The following VARS1 variants were observed in gnomAD, a reference collection of about 807,000 sequenced individuals.
VARS1 encodes the protein valine--tRNA ligase.
Under a neutral mutation model 161.0 loss-of-function variants are expected in VARS1, and 92 were observed. The observed-to-expected ratio is 0.57, with a 90% CI of 0.48 to 0.68. VARS1 has a LOEUF of 0.68. Among genes scored for constraint, VARS1 ranks in the 30% least tolerant of loss-of-function variants. VARS1 has a pLI of 0.00. For missense variants in VARS1, 1,338 were observed against 1,695.9 expected (o/e 0.79, Z 3.71); for synonymous variants, 595 against 682.5 (o/e 0.87, Z 2.00).
In VARS1 at chr6:31,794,832, TG is replaced by T; in HGVS notation, c.385del (p.Gln129ArgfsTer11). 6.3e-7 allele frequency: 1 copy of T among 1,592,806 alleles called. No homozygotes were observed. The highest frequency in any genetic ancestry group is 8.6e-7 in the Non-Finnish European group (1 of 1,165,818). On this transcript the variant is annotated frameshift_variant and splice_region_variant, in exon 2 of 30. Coordinates refer to ENST00000375663, the MANE Select transcript of VARS1 (RefSeq NM_006295.3). LOFTEE classifies it high-confidence loss of function. ...CCCTCTTCTGTACAACCCCCTCACC[TG>T]GGGGTCCTGGGCCGAGCTTCGGAGT... ...LGLRSSAQDP[Q>X]AVLGALGRAL...
rs1256963357 is a variant in VARS1, at chr6:31,779,394, G to A, written c.3400+31C>T. On this transcript the variant is annotated intron_variant, in intron 28 of 29. Transcript: ENST00000375663. This position sits in a 1 kb window ranked among gnomAD's most constrained non-coding sequence, Gnocchi z 9.1. ...CCAGAGTAGGCTGAGGGGACAGTGG[G>A]ATGGGGCGGACATGGGGGCCTGAGG... is the stretch of plus-strand genomic sequence containing the variant. The A allele has an allele frequency of 1.2e-6, 2 of 1,607,966 alleles. No homozygotes were observed. The highest frequency in any genetic ancestry group is 1.7e-6 in the Non-Finnish European group (2 of 1,179,522).
Position 31,778,032 on chromosome 6 carries a change from T to A in VARS1, c.3727-370A>T. ...TCCCAGGGCTCTTGGGAGAACCAAG[T>A]GAGATTAACCACGTCCACTCAAGGC... On this transcript the variant is annotated intron_variant, in intron 29 of 29. Coordinates refer to ENST00000375663, the MANE Select transcript of VARS1 (RefSeq NM_006295.3). The surrounding 1 kb of genome is among the most constrained non-coding windows in gnomAD (Gnocchi z 5.1). 3 of 324,416 alleles carry A rather than the reference T, an allele frequency of 9.2e-6. 1 individual carries two copies. In the South Asian group the frequency reaches 1.3e-4, roughly 14 times the overall value. 20.1% of individuals were successfully genotyped at this position (324,416 alleles called of 1,614,324 possible).
chr6:31,792,343 C>A, intron 5 of VARS1, 42 bp from the exon 6 acceptor site: 1 of 1,613,962 alleles, frequency 6.2e-7, no homozygotes, highest in Non-Finnish European at 8.5e-7. Context: ...CATCAGCCAA[C>A]CCATCACCGC....
rs114400440 is a variant in VARS1 at position 31,787,088 on chromosome 6, A to G, written c.1101-1355T>C. On this transcript the variant is annotated intron_variant, in intron 8 of 29. Coordinates refer to ENST00000375663, the MANE Select transcript of VARS1 (RefSeq NM_006295.3). Reference sequence around the variant, plus strand: ...AAAAAAAAAAAAAAAAAAGCCAGGCATGGTGGCGTGCACCTTTGTTCCCAG... The same window carrying G: ...AAAAAAAAAAAAAAAAAAGCCAGGCGTGGTGGCGTGCACCTTTGTTCCCAG... Among the ~76,000 whole-genome samples the G allele has an allele frequency of 2.8e-3, 421 of 149,844 alleles. 3 individuals carry two copies. Among genetic ancestry groups the G allele is most frequent in the African/African-American group, 9.8e-3 (402 of 40,822 alleles).
At position 31,778,840 on chromosome 6, in the gene VARS1, G is replaced by A; in HGVS notation, c.3726+127C>T. 2 of 1,297,780 alleles carry A rather than the reference G, an allele frequency of 1.5e-6. No individual in the cohort carries two copies. The highest frequency in any genetic ancestry group is 2.1e-6 in the Non-Finnish European group (2 of 937,226). 80.4% of individuals were successfully genotyped at this position (1,297,780 alleles called of 1,614,324 possible). On this transcript the variant is annotated intron_variant, in intron 29 of 29. Transcript: ENST00000375663. This position sits in a 1 kb window ranked among gnomAD's most constrained non-coding sequence, Gnocchi z 5.1. ...TTTTAAGGCTAGTGGGAGTGGAGAAGGAACAAAGAAATCTGTAACTGGTTA... is the reference window on the plus strand; with the variant it reads ...TTTTAAGGCTAGTGGGAGTGGAGAAAGAACAAAGAAATCTGTAACTGGTTA...
Position 31,785,419 on chromosome 6 carries a change from C to A in VARS1, c.1266-92G>T. ...GGGCAGTGTGGAGATCACCCATCCC[C>A]CTGAAATTTACCTGGGCCCTAGAGC... On this transcript the variant is annotated intron_variant, in intron 9 of 29. Coordinates refer to ENST00000375663, the MANE Select transcript of VARS1 (RefSeq NM_006295.3). The surrounding 1 kb of genome is among the most constrained non-coding windows in gnomAD (Gnocchi z 6.1). 6.4e-7 allele frequency: 1 copy of A among 1,569,062 alleles called. No individual in the cohort carries two copies. Among genetic ancestry groups the A allele is most frequent in the Admixed American group, 1.8e-5 (1 of 55,654 alleles).
At position 31,782,959 on chromosome 6, in the gene VARS1, T is replaced by G; in HGVS notation, c.1763-114A>C. On this transcript the variant is annotated intron_variant, in intron 14 of 29. Coordinates refer to ENST00000375663, the MANE Select transcript of VARS1 (RefSeq NM_006295.3). This position sits in a 1 kb window ranked among gnomAD's most constrained non-coding sequence, Gnocchi z 8.3. ...AGACCACTCCTGGCCCCCACTTGTC[T>G]AATACAGTCCCTTGAGAACCACCCC... 1 of 1,526,318 alleles carries G rather than the reference T, an allele frequency of 6.6e-7. No individual in the cohort carries two copies. The highest frequency in any genetic ancestry group is 1.9e-4 in the Middle Eastern group (1 of 5,292). 94.5% of individuals were successfully genotyped at this position (1,526,318 alleles called of 1,614,324 possible). A position where few individuals can be genotyped will look rare whatever the true frequency, so the allele number is the denominator to read the frequency against.
Position 31,782,851 on chromosome 6 carries a change from T to C in VARS1, c.1763-6A>G. 6.2e-7 allele frequency: 1 copy of C among 1,608,644 alleles called. No individual in the cohort carries two copies. Among genetic ancestry groups the C allele is most frequent in the African/African-American group, 1.3e-5 (1 of 74,976 alleles). ...GGGGGTGATCTTCACAGCACCTGGG[T>C]GTACATCAGGATGCCCAGGTCATGA... On this transcript the variant is annotated splice_region_variant and splice_polypyrimidine_tract_variant and intron_variant, in intron 14 of 29. Coordinates refer to ENST00000375663, the MANE Select transcript of VARS1 (RefSeq NM_006295.3). The surrounding 1 kb of genome is among the most constrained non-coding windows in gnomAD (Gnocchi z 8.3).
At position 31,781,983 on chromosome 6, in the gene VARS1, G is replaced by C. The variant is rs754676615; in HGVS notation, c.2242-31C>G. 818 of 1,613,004 alleles carry C rather than the reference G, an allele frequency of 5.1e-4. No individual in the cohort carries two copies. The highest frequency in any genetic ancestry group is 6.5e-4 in the Non-Finnish European group (767 of 1,179,972). On this transcript the variant is annotated intron_variant, in intron 18 of 29. Coordinates refer to ENST00000375663, the MANE Select transcript of VARS1 (RefSeq NM_006295.3). This position sits in a 1 kb window ranked among gnomAD's most constrained non-coding sequence, Gnocchi z 6.8. ...ACAGGTGCAGTGATTACCCAAGGGG[G>C]TGTGTCTGCTTCTGGCTCACCCTGC...
In VARS1 at chr6:31,791,677, T is replaced by TG. The variant is rs1197574677; in HGVS notation, c.1032dup (p.Asn345GlnfsTer38). 3 of 1,612,778 alleles carry TG rather than the reference T, an allele frequency of 1.9e-6. No homozygotes were observed. Among genetic ancestry groups the TG allele is most frequent in the Admixed American group, 1.7e-5 (1 of 59,968 alleles). ...CCCAGGTGCAGGGAGCCTGTCACATTGGGGGGTGGGATGCACATCATGAAG... is the reference window on the plus strand; with the variant it reads ...CCCAGGTGCAGGGAGCCTGTCACATTGGGGGGGTGGGATGCACATCATGAAG... On this transcript the variant is annotated frameshift_variant, in exon 8 of 30. Coordinates refer to ENST00000375663, the MANE Select transcript of VARS1 (RefSeq NM_006295.3). LOFTEE classifies it high-confidence loss of function. This position sits in a 1 kb window ranked among gnomAD's most constrained non-coding sequence, Gnocchi z 5.0.
chr6:31,781,764 G>A lies in VARS1; in HGVS notation c.2348-3C>T, dbSNP rs112783854. ...CCAGGTATCCAATACATCCTCATCTGAGAGAGGCCAAAGGTCAGAGGTCAG... is the reference window on the plus strand; with the variant it reads ...CCAGGTATCCAATACATCCTCATCTAAGAGAGGCCAAAGGTCAGAGGTCAG... On this transcript the variant is annotated splice_polypyrimidine_tract_variant and splice_region_variant and intron_variant, in intron 19 of 29. Transcript: ENST00000375663. The surrounding 1 kb of genome is among the most constrained non-coding windows in gnomAD (Gnocchi z 6.8). The A allele has an allele frequency of 1.2e-6, 2 of 1,612,988 alleles. No individual in the cohort carries two copies. Among genetic ancestry groups the A allele is most frequent in the South Asian group, 2.2e-5 (2 of 91,088 alleles).
At chr6:31,790,633 A>T (rs1398026380) in intron 8 of VARS1, among the ~76,000 whole-genome samples, 1 of 117,408 alleles carries the variant, frequency 8.5e-6, no homozygotes, top group South Asian at 2.6e-4. Flanking sequence ...AAAAAAAAAG[A>T]ATGACTTCAC....
intron 4 of VARS1, 74 bp from the exon 5 acceptor site, chr6:31,792,590 G>A (rs1017251681): frequency 3.1e-6 from 5 of 1,607,402 alleles, no homozygotes; most frequent in Admixed American, 3.4e-5. Context: ...GTTTCAGATG[G>A]GGTATTTTAG....
chr6:31,779,670 G>A lies in VARS1; in HGVS notation c.3226C>T (p.Pro1076Ser), dbSNP rs1448637302. ...FVTEELFQRL[P>S]RRMPQAPPSL... ...GGGGGAGCTTGCGGCATCCTCCGGG[G>A]CAGCCTCTGGAACAGCTCCTCCGTC... Residue 1076 changes from proline (P) to serine (S), a missense_variant, in exon 27 of 30, where the codon CCC (proline) becomes TCC (serine). Physicochemically the swap from Pro to Ser is moderately conservative, Grantham distance 74 (BLOSUM62 -1). Around this residue, in one of 3 missense-constraint regions of VARS1, gnomAD observed 433 missense variants for 586.2 expected, o/e 0.74. Transcript: ENST00000375663. This position sits in a 1 kb window ranked among gnomAD's most constrained non-coding sequence, Gnocchi z 9.1. The A allele has an allele frequency of 6.2e-7, 1 of 1,612,900 alleles. No homozygotes were observed. Among genetic ancestry groups the A allele is most frequent in the East Asian group, 2.2e-5 (1 of 44,882 alleles).
chr6:31,782,192 G>A lies in VARS1; in HGVS notation c.2151-15C>T, dbSNP rs1403179108. On this transcript the variant is annotated splice_polypyrimidine_tract_variant and intron_variant, in intron 17 of 29. Transcript: ENST00000375663. This position sits in a 1 kb window ranked among gnomAD's most constrained non-coding sequence, Gnocchi z 8.3. ...TGCACCACTCCCTGCAAATGTCGGG[G>A]AGGAGAAATCAGGGAGGGCCTGATG... The A allele has an allele frequency of 2.5e-6, 4 of 1,612,914 alleles. No individual in the cohort carries two copies. Among genetic ancestry groups the A allele is most frequent in the Non-Finnish European group, 3.4e-6 (4 of 1,179,436 alleles).
At chr6:31,792,371 C>A in intron 5 of VARS1, 21 bp downstream of exon 5, 1 of 1,614,016 alleles carries the variant, frequency 6.2e-7, no homozygotes, top group Non-Finnish European at 8.5e-7. Flanking sequence ...AACTTTCCTT[C>A]CAGCTCCACC....
In VARS1 at chr6:31,795,082, G is replaced by C. The variant is rs1248033757; in HGVS notation, c.136C>G (p.Pro46Ala). ...GGGGGAAAGGGAGTCCTGCTAGTCG[G>C]GGGTGGCTGGAGACAGATGCGGGGG... ...AHPRICLQPP[P>A]TSRTPFPPPR... Residue 46 changes from proline (P) to alanine (A), a missense_variant, in exon 2 of 30, where the codon CCG becomes GCG. Coordinates refer to ENST00000375663, the MANE Select transcript of VARS1 (RefSeq NM_006295.3). This position sits in a 1 kb window ranked among gnomAD's most constrained non-coding sequence, Gnocchi z 6.9. The C allele has an allele frequency of 5.4e-5, 81 of 1,506,182 alleles. No individual in the cohort carries two copies. Among genetic ancestry groups the C allele is most frequent in the Non-Finnish European group, 7.0e-5 (79 of 1,124,214 alleles). The allele number at this position is 1,506,182 out of a possible 1,614,324, so 93.3% of individuals were successfully genotyped here.
intron 8 of VARS1, among the ~76,000 whole-genome samples, chr6:31,788,665 C>T (rs1268247287): frequency 6.6e-6 from 1 of 151,656 alleles, no homozygotes. Context: ...AAAAATTAGC[C>T]AGGCGTGGTG....
Position 31,781,808 on chromosome 6 carries a change from C to G in VARS1, c.2347+39G>C. The G allele has an allele frequency of 4.3e-6, 7 of 1,612,936 alleles. No individual in the cohort carries two copies. The highest frequency in any genetic ancestry group is 5.9e-6 in the Non-Finnish European group (7 of 1,179,944). On this transcript the variant is annotated intron_variant, in intron 19 of 29. Coordinates refer to ENST00000375663, the MANE Select transcript of VARS1 (RefSeq NM_006295.3). The surrounding 1 kb of genome is among the most constrained non-coding windows in gnomAD (Gnocchi z 6.8). ...AGGTCAGAGGGAGTGGAGCTCTGCC[C>G]CCCACAACTCCCTCCAGACCCTCAA... is the stretch of plus-strand genomic sequence containing the variant.
Sources: allele counts gnomAD v4.1 joint callset (sites outside exome capture counted in the v4.1 genomes callset), GRCh38; gene constraint gnomAD v4.1.1; regional missense constraint gnomAD v4.1.1; non-coding constraint Gnocchi (gnomAD v3.1); transcripts MANE v1.5; gene names NCBI Gene and HGNC (gene_info 2026-07-23, HGNC 2026-07-21).